CIP2A: variants seen among roughly 807,000 people sequenced by gnomAD.
CIP2A encodes the protein protein CIP2A.
CIP2A carries 103 observed loss-of-function variants against 110.9 expected under a neutral mutation model. The ratio of observed to expected loss-of-function variants is 0.93; its 90% CI spans 0.79 to 1.09. The LOEUF is 1.09. CIP2A is among the 50% of genes least tolerant of loss of function. The probability of loss-of-function intolerance (pLI) is 0.00; values close to 1 mark genes in which losing one functional copy is unlikely to be tolerated. For missense variants in CIP2A, 1,088 were observed against 1,038.4 expected, an observed-to-expected ratio of 1.05 and a Z score of -0.66; for synonymous variants, 381 against 361.6, an observed-to-expected ratio of 1.05 and a Z score of -0.61.
intron 11 of CIP2A, among the ~76,000 whole-genome samples, chr3:108,565,724 T>C (rs1170156758): frequency 6.6e-6 from 1 of 151,760 alleles, no homozygotes; most frequent in Non-Finnish European, 1.5e-5. Context: ...AAGTAAGTAG[T>C]AGTTTCGAAA....
At position 108,550,800 on chromosome 3, in the gene CIP2A, T is replaced by A. The variant is rs2083886903; in HGVS notation, c.*349A>T. The A allele has an allele frequency of 6.5e-6, 1 of 153,880 alleles. No homozygotes were observed. The highest frequency in any genetic ancestry group is 1.4e-5 in the Non-Finnish European group (1 of 69,306). The allele number at this position is 153,880 out of a possible 1,614,324, so 9.5% of individuals were successfully genotyped here. A position where few individuals can be genotyped will look rare whatever the true frequency, so the allele number is the denominator to read the frequency against. ...AGAAAGTTTGGTCTTAAGATCTAAA[T>A]AATCACAAATGAGAATAAATAAGAC... On this transcript the variant is annotated 3_prime_UTR_variant, in exon 21 of 21. Transcript: ENST00000295746.
intron 7 of CIP2A, among the ~76,000 whole-genome samples, chr3:108,578,070 A>G (rs976376452): frequency 2.6e-5 from 4 of 152,220 alleles, no homozygotes; most frequent in Non-Finnish European, 5.9e-5. Flanking sequence ...TTATTGTTCA[A>G]TGGCATACCA....
rs1164266065 is a variant in CIP2A, at chr3:108,575,866, G to A, written c.894+405C>T. Among the ~76,000 whole-genome samples the A allele has an allele frequency of 2.2e-5, 2 of 92,622 alleles. 1 individual carries two copies. Among genetic ancestry groups the A allele is most frequent in the African/African-American group, 7.3e-5 (2 of 27,266 alleles). The allele number at this position is 92,622 out of a possible 152,430, so 60.8% of individuals were successfully genotyped here. ...TACTCATATACATGTGTATATACAC[G>A]TATATATACTCATATACATGTGTAT... On this transcript the variant is annotated intron_variant, in intron 8 of 20. Transcript: ENST00000295746.
chr3:108,556,124 T>C (rs1937794492), intron 17 of CIP2A, among the ~76,000 whole-genome samples: 1 of 152,160 alleles, frequency 6.6e-6, no homozygotes, highest in South Asian at 2.1e-4. Flanking sequence ...AATCAGACTT[T>C]GTAAAAAGTT....
intron 5 of CIP2A, 103 bp downstream of exon 5, chr3:108,581,312 A>C (rs921538296): frequency 1.5e-5 from 12 of 791,556 alleles, no homozygotes; most frequent in Non-Finnish European, 2.4e-5. Context: ...AAGACACAGA[A>C]TCCTTGTTCA....
At chr3:108,568,052 A>G in intron 10 of CIP2A, 103 bp downstream of exon 10, 1 of 879,034 alleles carries the variant, frequency 1.1e-6, no homozygotes, top group Middle Eastern at 3.7e-4. Context: ...ATATGAGCAT[A>G]AAGTGACAAA....
In CIP2A at chr3:108,577,059, A is replaced by C. The variant is rs1439499839; in HGVS notation, c.819-713T>G. 3.3e-5 allele frequency among the ~76,000 whole-genome samples: 5 copies of C among 152,304 alleles called. No individual in the cohort carries two copies. The East Asian group carries it at 9.6e-4, about 29-fold the overall frequency. On this transcript the variant is annotated intron_variant, in intron 7 of 20. Transcript: ENST00000295746. ...AATAGAAGTTAGGCATATAAGAGAG[A>C]AAGTATTCTAGTCTTCCAGAGGGAA...
chr3:108,575,444 A>G (rs191442908), intron 8 of CIP2A, among the ~76,000 whole-genome samples: 1 of 148,476 alleles, frequency 6.7e-6, no homozygotes, highest in African/African-American at 2.4e-5. Flanking sequence ...ACATACATAT[A>G]TACATATACA....
chr3:108,575,345 T>C (rs764406873), intron 8 of CIP2A, among the ~76,000 whole-genome samples: 8 of 148,990 alleles, frequency 5.4e-5, no homozygotes, highest in Admixed American at 2.0e-4. Context: ...TATATACATA[T>C]ACACACATGT....
chr3:108,551,091 C>CCA lies in CIP2A; in HGVS notation c.*57_*58insTG. On this transcript the variant is annotated 3_prime_UTR_variant, in exon 21 of 21. Coordinates refer to ENST00000295746, the MANE Select transcript of CIP2A (RefSeq NM_020890.3). ...TTAACTCCCCTACCCACCCCCCCTC[C>CCA]AATAGATAAATACATCAAAAATATC... The CCA allele has an allele frequency of 9.4e-6, 7 of 746,184 alleles. No homozygotes were observed. Among genetic ancestry groups the CCA allele is most frequent in the Non-Finnish European group, 1.4e-5 (7 of 493,446 alleles). The allele number at this position is 746,184 out of a possible 1,614,324, so 46.2% of individuals were successfully genotyped here.
chr3:108,575,621 T>G (rs1938580911), intron 8 of CIP2A, among the ~76,000 whole-genome samples: 1 of 143,168 alleles, frequency 7.0e-6, no homozygotes, highest in South Asian at 2.2e-4. Flanking sequence ...TATACATGTG[T>G]ATATATACGT....
intron 9 of CIP2A, 109 bp from the exon 10 acceptor site, chr3:108,568,423 A>G: frequency 1.2e-6 from 1 of 824,032 alleles, no homozygotes. Context: ...TATTTCCTTC[A>G]ATATGCCATT....
Position 108,576,315 on chromosome 3 carries a change from C to G in CIP2A, c.850G>C (p.Val284Leu). The part of the protein sequence containing the change: ...YEHFSSCLHQ[V>L]LGLLNGKDPD... ...TCCTTTCCATTAAGAAGACCTAATA[C>G]TTGGTGAAGACATGAAGAAAAGTGC... The change falls in exon 8 of 21, where the codon GTA (valine) becomes CTA (leucine). Residue 284 changes from valine to leucine, a missense_variant. Coordinates refer to ENST00000295746, the MANE Select transcript of CIP2A (RefSeq NM_020890.3). 1 of 1,563,038 alleles carries G rather than the reference C, an allele frequency of 6.4e-7. No individual in the cohort carries two copies. Among genetic ancestry groups the G allele is most frequent in the South Asian group, 1.2e-5 (1 of 83,132 alleles).
intron 18 of CIP2A, 23 bp downstream of exon 18, chr3:108,554,353 G>C: frequency 4.1e-6 from 4 of 969,904 alleles, no homozygotes; most frequent in Non-Finnish European, 4.8e-6. Flanking sequence ...CACATATTCA[G>C]AATATAGAAC....
At position 108,568,235 on chromosome 3, in the gene CIP2A, T is replaced by A. The variant is rs550992413; in HGVS notation, c.1193A>T (p.Gln398Leu). Residue 398 changes from glutamine to leucine, a missense_variant, in exon 10 of 21, where the codon CAG becomes CTG. By Grantham distance (113) the Gln-to-Leu change is moderately radical. Transcript: ENST00000295746. ...CTCATCTAGATTTTGTTCTGTGAAC[T>A]GAAGTTGATCAAGGATTGTAGGCAG... ...LLLPTILDQL[Q>L]FTEQNLDEAL... 9 of 1,612,208 alleles carry A rather than the reference T, an allele frequency of 5.6e-6. No homozygotes were observed. Among genetic ancestry groups the A allele is most frequent in the Non-Finnish European group, 5.9e-6 (7 of 1,178,778 alleles).
At chr3:108,551,951 C>G (rs1483638572) in intron 20 of CIP2A, among the ~76,000 whole-genome samples, 2 of 152,210 alleles carry the variant, frequency 1.3e-5, no homozygotes, top group African/African-American at 4.8e-5. Flanking sequence ...GAAAATTATA[C>G]AGCTACCTAT....
At chr3:108,586,861 T>C (rs907645505) in intron 1 of CIP2A, among the ~76,000 whole-genome samples, 1 of 152,206 alleles carries the variant, frequency 6.6e-6, no homozygotes, top group Non-Finnish European at 1.5e-5. Context: ...GCCTACACTC[T>C]GCATGGGGCT....
intron 14 of CIP2A, 30 bp downstream of exon 14, chr3:108,560,619 C>T (rs1209210778): frequency 1.4e-6 from 2 of 1,413,036 alleles, no homozygotes; most frequent in South Asian, 1.3e-5. Context: ...CTAATATGTA[C>T]CAGGTTATAA....
At chr3:108,584,713 G>T in intron 2 of CIP2A, 1 of 166,510 alleles carries the variant, frequency 6.0e-6, no homozygotes. Flanking sequence ...TTTAAACTAT[G>T]CATATATTAC....
Sources: allele counts gnomAD v4.1 joint callset (sites outside exome capture counted in the v4.1 genomes callset), GRCh38; gene constraint gnomAD v4.1.1; transcripts MANE v1.5; gene names NCBI Gene and HGNC (gene_info 2026-07-23, HGNC 2026-07-21).